PUDP: variants seen among roughly 807,000 people sequenced by gnomAD.
PUDP encodes the protein pseudouridine-5'-phosphatase.
In PUDP, 8 loss-of-function variants were observed where a neutral mutation model predicts 9.4. That is an observed-to-expected ratio of 0.85 (90% CI 0.50 to 1.53). The LOEUF is 1.53. Among genes scored for constraint, PUDP ranks in the 40% most tolerant of loss-of-function variants. PUDP has a pLI of 0.00. For synonymous variants in PUDP, 99 were observed against 80.7 expected (o/e 1.23, Z -1.22); for missense variants, 188 against 189.7 (o/e 0.99, Z 0.05).
At chrX:7,076,234 C>T (rs997714725) in intron 3 of PUDP, among the ~76,000 whole-genome samples, 3 of 112,130 alleles carry the variant, frequency 2.7e-5, no homozygotes, top group African/African-American at 9.7e-5. Context: ...TCCCTGAGCT[C>T]GTGATTGGTG....
At chrX:7,110,104 G>C (rs770842864) in intron 1 of PUDP, among the ~76,000 whole-genome samples, 1 of 112,106 alleles carries the variant, frequency 8.9e-6, no homozygotes, top group Non-Finnish European at 1.9e-5. Flanking sequence ...GGGTGCCCCA[G>C]GCTGGGGCCC....
intron 2 of PUDP, among the ~76,000 whole-genome samples, chrX:7,081,908 C>G (rs1342009358): frequency 8.9e-6 from 1 of 112,827 alleles, no homozygotes; most frequent in Non-Finnish European, 1.9e-5. Context: ...ATGAACGATC[C>G]TAATCACCTG....
rs3834697 is a variant in PUDP, at chrX:7,049,848, GAAGA to G, written c.*444_*447del. 25,407 of 114,851 alleles carry G rather than the reference GAAGA, an allele frequency of 0.22. 2,379 individuals are homozygous for G. Among genetic ancestry groups the G allele is most frequent in the Admixed American group, 0.4 (4,261 of 10,726 alleles). The allele number at this position is 114,851 out of a possible 1,213,427, so 9.5% of individuals were successfully genotyped here. A position where few individuals can be genotyped will look rare whatever the true frequency, so the allele number is the denominator to read the frequency against. ...TCCCAGCCAGTGTTCAGAAAAACTA[GAAGA>G]GAGAAGTGATGTTCCATTTTGTCTT... On this transcript the variant is annotated 3_prime_UTR_variant, in exon 4 of 4. Transcript: ENST00000381077.
chrX:6,750,905 C>T (rs755087092), intron 3 of PUDP, among the ~76,000 whole-genome samples: 201 of 111,048 alleles, frequency 1.8e-3, no homozygotes, highest in African/African-American at 6.0e-3. Context: ...TTTGGGAGGC[C>T]GAGGCGGGCA....
chrX:6,861,257 C>T (rs577718402), intron 3 of PUDP, among the ~76,000 whole-genome samples: 1 of 111,673 alleles, frequency 9.0e-6, no homozygotes, highest in South Asian at 3.8e-4. Flanking sequence ...CAAGGCTATC[C>T]GTGGGCTCAA....
Position 6,956,746 on chromosome X carries a change from T to C in PUDP, c.*247+20387A>G, listed in dbSNP as rs143682685. On this transcript the variant is annotated intron_variant and NMD_transcript_variant, in intron 3 of 3. Coordinates refer to the PUDP transcript ENST00000655425. The stretch of plus-strand genomic sequence containing the variant: ...AGACTGAATTTTATCCCTCTGACTA[T>C]GGCCCAACCTAGCTAGGCACAACTC... Among the ~76,000 whole-genome samples, 580 of 112,315 alleles carry C rather than the reference T, an allele frequency of 5.2e-3. 10 individuals are homozygous for C. Among genetic ancestry groups the C allele is most frequent in the Admixed American group, 0.038 (400 of 10,605 alleles).
Position 6,872,517 on chromosome X carries a change from G to A in PUDP, c.*247+104616C>T, listed in dbSNP as rs764924326. On this transcript the variant is annotated intron_variant and NMD_transcript_variant, in intron 3 of 3. Transcript: ENST00000655425. Reference sequence around the variant, plus strand: ...AGTTGGAAACCAGCCTGGGCAACACGGTGAAACCCTGTCTCTACTAAAAAT... The same window carrying A: ...AGTTGGAAACCAGCCTGGGCAACACAGTGAAACCCTGTCTCTACTAAAAAT... Among the ~76,000 whole-genome samples the A allele has an allele frequency of 7.3e-5, 8 of 108,933 alleles. No homozygotes were observed. The East Asian group carries it at 2.3e-3, about 32-fold the overall frequency. 94.6% of individuals were successfully genotyped at this position (108,933 alleles called of 115,157 possible). A position where few individuals can be genotyped will look rare whatever the true frequency, so the allele number is the denominator to read the frequency against.
intron 3 of PUDP, among the ~76,000 whole-genome samples, chrX:6,924,123 C>T (rs1389424243): frequency 1.8e-5 from 2 of 111,574 alleles, no homozygotes; most frequent in Admixed American, 1.9e-4. Flanking sequence ...AGCCCTGACA[C>T]TCCATACTCC....
chrX:6,866,257 GTT>G (rs201396229), intron 3 of PUDP, among the ~76,000 whole-genome samples: 1 of 100,437 alleles, frequency 1.0e-5, no homozygotes, highest in East Asian at 3.2e-4. Context: ...AAAATTTATG[GTT>G]TTTTTTTTTG....
chrX:7,067,424 G>A (rs1046600001), intron 3 of PUDP, among the ~76,000 whole-genome samples: 3 of 111,911 alleles, frequency 2.7e-5, no homozygotes, highest in African/African-American at 6.5e-5. Flanking sequence ...AGATTCTGCC[G>A]CTGACTGTAA....
rs183469552 is a variant in PUDP, at chrX:6,912,307, T to C, written c.*247+64826A>G. Among the ~76,000 whole-genome samples, 19 of 112,203 alleles carry C rather than the reference T, an allele frequency of 1.7e-4. No homozygotes were observed. In the East Asian group the frequency reaches 5.3e-3, roughly 32 times the overall value. On this transcript the variant is annotated intron_variant and NMD_transcript_variant, in intron 3 of 3. Transcript: ENST00000655425. ...ACAGATTTAATACACCTGTTCTTTTTTTGCTATTAGCATCTTTCTTGCATA... is the reference window on the plus strand; with the variant it reads ...ACAGATTTAATACACCTGTTCTTTTCTTGCTATTAGCATCTTTCTTGCATA...
At chrX:6,893,929 C>T (rs1279705237) in intron 3 of PUDP, among the ~76,000 whole-genome samples, 2 of 111,669 alleles carry the variant, frequency 1.8e-5, no homozygotes, top group African/African-American at 6.5e-5. Flanking sequence ...GAAAAAGGAA[C>T]GAGATCATGT....
At chrX:6,951,023 T>A (rs1928548040) in intron 3 of PUDP, among the ~76,000 whole-genome samples, 1 of 110,634 alleles carries the variant, frequency 9.0e-6, no homozygotes, top group African/African-American at 3.3e-5. Flanking sequence ...CCTGCAGGAC[T>A]TTGGAATGAA....
intron 3 of PUDP, among the ~76,000 whole-genome samples, chrX:6,867,779 G>A (rs1347912839): frequency 9.0e-6 from 1 of 111,474 alleles, no homozygotes; most frequent in Non-Finnish European, 1.9e-5. Flanking sequence ...CACAGACTGG[G>A]TAATTTACAA....
intron 3 of PUDP, among the ~76,000 whole-genome samples, chrX:6,976,020 A>G (rs1344279310): frequency 8.9e-6 from 1 of 111,969 alleles, no homozygotes; most frequent in African/African-American, 3.2e-5. Flanking sequence ...CCGCCTACTC[A>G]AGCCTAAGTA....
chrX:6,887,094 T>C (rs1264323763), intron 3 of PUDP, among the ~76,000 whole-genome samples: 3 of 99,937 alleles, frequency 3.0e-5, no homozygotes, highest in African/African-American at 1.1e-4. Flanking sequence ...TGATAAATTA[T>C]ATATAATATA....
intron 1 of PUDP, among the ~76,000 whole-genome samples, chrX:7,145,734 T>A (rs935640078): frequency 9.0e-6 from 1 of 111,273 alleles, no homozygotes; most frequent in Non-Finnish European, 1.9e-5. Context: ...GATTAAACAA[T>A]CTTCTCCTCT....
Position 6,991,687 on chromosome X carries a change from A to AT in PUDP, c.205-13345_205-13344insA, listed in dbSNP as rs1487815440. Among the ~76,000 whole-genome samples the AT allele has an allele frequency of 5.7e-3, 620 of 109,059 alleles. 4 individuals are homozygous for AT. Among genetic ancestry groups the AT allele is most frequent in the African/African-American group, 0.019 (577 of 29,802 alleles). The allele number at this position is 109,059 out of a possible 115,157, so 94.7% of individuals were successfully genotyped here. On this transcript the variant is annotated intron_variant and NMD_transcript_variant, in intron 1 of 3. Transcript: ENST00000655425. ...GTAAGACCTTGTCTCAAAAAAAAAAAAAATAAAATAAAATTTTAAAAAATA... is the reference window on the plus strand; with the variant it reads ...GTAAGACCTTGTCTCAAAAAAAAAAATAAATAAAATAAAATTTTAAAAAATA...
At chrX:6,752,173 C>G (rs924469985) in intron 3 of PUDP, among the ~76,000 whole-genome samples, 2 of 111,926 alleles carry the variant, frequency 1.8e-5, no homozygotes, top group Non-Finnish European at 3.8e-5. Context: ...AATTCTCTCT[C>G]CTTTGGCCTC....
Sources: gnomAD v4.1 joint callset for allele counts (sites outside exome capture counted in the v4.1 genomes callset) on GRCh38, gnomAD v4.1.1 for gene constraint, MANE v1.5 for transcripts, NCBI Gene and HGNC (gene_info 2026-07-23, HGNC 2026-07-21) for gene names.